The following CXorf58 variants were observed in gnomAD, a reference collection of about 807,000 sequenced individuals.
The protein encoded by CXorf58 is chromosome X open reading frame 58, also known as uncharacterized protein CXorf58.
A neutral mutation model predicts 26.0 loss-of-function variants in CXorf58; 24 were observed. The ratio of observed to expected loss-of-function variants is 0.92; its 90% CI spans 0.67 to 1.30. The LOEUF (loss-of-function observed/expected upper bound fraction) is 1.30. CXorf58 is among the 50% of genes most tolerant of loss of function. The probability of loss-of-function intolerance (pLI) is 0.00; values close to 1 mark genes in which losing one functional copy is unlikely to be tolerated. For missense variants in CXorf58, 236 were observed against 263.9 expected (o/e 0.89, Z 0.73); for synonymous variants, 87 against 86.1 (o/e 1.01, Z -0.06).
chrX:23,936,332 A>G (rs1928296243), intron 7 of CXorf58, among the ~76,000 whole-genome samples: 1 of 111,933 alleles, frequency 8.9e-6, no homozygotes, highest in South Asian at 3.7e-4. Context: ...TTATAATTCT[A>G]TTCTTGCTAC....
chrX:23,910,558 TATA>T, intron 2 of CXorf58, 140 bp downstream of exon 2: 1 of 412,566 alleles, frequency 2.4e-6, no homozygotes, highest in Non-Finnish European at 4.3e-6. Flanking sequence ...ATTGAGTAAT[TATA>T]ATTGCATTTT....
chrX:23,923,009 C>T (rs7883654), intron 5 of CXorf58, among the ~76,000 whole-genome samples: 1,657 of 112,077 alleles, frequency 0.015, 30 homozygotes, highest in African/African-American at 0.05. Context: ...GAACCTGCCT[C>T]TTGAATCCTA....
rs1470377769 is a variant in CXorf58, at chrX:23,913,733, C to T, written c.216+1877C>T. Among the ~76,000 whole-genome samples the T allele has an allele frequency of 5.5e-5, 6 of 109,499 alleles. No homozygotes were observed. In the East Asian group the frequency reaches 1.2e-3, roughly 22 times the overall value. ...CAGTCCGGTCAACATGGTGAAACCC[C>T]GTCTCTACTAAAAATACAAAAAAAT... On this transcript the variant is annotated intron_variant, in intron 3 of 8. Coordinates refer to ENST00000379211, the MANE Select transcript of CXorf58 (RefSeq NM_152761.3).
intron 7 of CXorf58, among the ~76,000 whole-genome samples, chrX:23,937,293 G>C (rs185780444): frequency 9.0e-6 from 1 of 111,651 alleles, no homozygotes; most frequent in Non-Finnish European, 1.9e-5. Flanking sequence ...AGGGGGCAGG[G>C]GAATTACAGT....
chrX:23,937,372 C>T (rs968587492), intron 7 of CXorf58, among the ~76,000 whole-genome samples: 4 of 110,559 alleles, frequency 3.6e-5, no homozygotes, highest in African/African-American at 1.3e-4. Flanking sequence ...AATTCTCGGG[C>T]ACTTTTGACC....
At chrX:23,914,598 A>G (rs755538625) in intron 3 of CXorf58, among the ~76,000 whole-genome samples, 1 of 111,843 alleles carries the variant, frequency 8.9e-6, no homozygotes, top group South Asian at 3.7e-4. Flanking sequence ...TAATATTCTC[A>G]TAATGGGCCA....
At chrX:23,921,391 A>G (rs1170697561) in intron 5 of CXorf58, among the ~76,000 whole-genome samples, 1 of 112,236 alleles carries the variant, frequency 8.9e-6, no homozygotes, top group Non-Finnish European at 1.9e-5. Context: ...CCATGAAAAT[A>G]CACACATAGA....
At chrX:23,933,356 C>T (rs1928213854) in intron 6 of CXorf58, among the ~76,000 whole-genome samples, 1 of 110,873 alleles carries the variant, frequency 9.0e-6, no homozygotes, top group South Asian at 3.8e-4. Flanking sequence ...CTGCCCTATC[C>T]CTGGCTCTTA....
Position 23,910,419 on chromosome X carries a change from G to A in CXorf58, c.116+1G>A, listed in dbSNP as rs767281926. 6.8e-6 allele frequency: 7 copies of A among 1,030,705 alleles called. No individual in the cohort carries two copies. In the Admixed American group the frequency reaches 6.8e-5, roughly 10 times the overall value. 84.9% of individuals were successfully genotyped at this position (1,030,705 alleles called of 1,213,427 possible). A position where few individuals can be genotyped will look rare whatever the true frequency, so the allele number is the denominator to read the frequency against. Reference sequence around the variant, plus strand: ...CACGAAATGCAAGATCATTACTATCGTAAGTACCTGTGTTTTGCCTTGTGT... The same window carrying A: ...CACGAAATGCAAGATCATTACTATCATAAGTACCTGTGTTTTGCCTTGTGT... On this transcript the variant is annotated splice_donor_variant, in intron 2 of 8. Coordinates refer to ENST00000379211, the MANE Select transcript of CXorf58 (RefSeq NM_152761.3). LOFTEE classifies it high-confidence loss of function.
intron 6 of CXorf58, among the ~76,000 whole-genome samples, chrX:23,929,172 C>T (rs1263108949): frequency 9.1e-6 from 1 of 110,281 alleles, no homozygotes; most frequent in Non-Finnish European, 1.9e-5. Context: ...TTTGGGAGGC[C>T]GAGGTGGGCG....
Position 23,911,859 on chromosome X carries a change from A to G in CXorf58, c.216+3A>G, listed in dbSNP as rs1463344916. On this transcript the variant is annotated splice_donor_region_variant and intron_variant, in intron 3 of 8. Transcript: ENST00000379211. ...TAAAACACGCAATTTGTGCAGCGGT[A>G]TGTATTTTGCTTATTTTTTTCTCTG... The G allele has an allele frequency of 1.8e-5, 21 of 1,151,826 alleles. 1 individual carries two copies. The Middle Eastern group carries it at 9.6e-4, about 53-fold the overall frequency. 94.9% of individuals were successfully genotyped at this position (1,151,826 alleles called of 1,213,427 possible).
At chrX:23,930,578 T>C (rs1406780479) in intron 6 of CXorf58, among the ~76,000 whole-genome samples, 2 of 93,149 alleles carry the variant, frequency 2.1e-5, no homozygotes, top group Non-Finnish European at 4.2e-5. Flanking sequence ...CACTCCAGCC[T>C]GGGCAACAGA....
At chrX:23,913,532 AT>A (rs1297598311) in intron 3 of CXorf58, among the ~76,000 whole-genome samples, 1 of 111,588 alleles carries the variant, frequency 9.0e-6, no homozygotes, top group Non-Finnish European at 1.9e-5. Context: ...TCTGAAAAAA[AT>A]AATAAAGTCT....
rs769461268 is a variant in CXorf58 at position 23,910,396 on chromosome X, C to T, written c.94C>T (p.Arg32Ter). 3.1e-5 allele frequency: 36 copies of T among 1,148,131 alleles called. No individual in the cohort carries two copies. The highest frequency in any genetic ancestry group is 4.5e-5 in the Admixed American group (2 of 44,559). The allele number at this position is 1,148,131 out of a possible 1,213,427, so 94.6% of individuals were successfully genotyped here. The change falls in exon 2 of 9, where the codon CGA becomes TGA. Residue 32 changes from arginine to a stop codon, truncating the protein, a stop_gained. Coordinates refer to ENST00000379211, the MANE Select transcript of CXorf58 (RefSeq NM_152761.3). LOFTEE classifies it high-confidence loss of function. ...KVRRVHFANA[R>*]NARSLLSMLK... ...TCGCAGAGTACATTTCGCAAATGCA[C>T]GAAATGCAAGATCATTACTATCGTA...
intron 5 of CXorf58, among the ~76,000 whole-genome samples, chrX:23,925,891 C>T (rs971875633): frequency 9.7e-5 from 10 of 102,654 alleles, no homozygotes; most frequent in Non-Finnish European, 1.4e-4. Flanking sequence ...TGGGTTCAAG[C>T]GATTCTCCTG....
chrX:23,937,774 A>C (rs911108157), intron 7 of CXorf58, among the ~76,000 whole-genome samples: 3 of 111,412 alleles, frequency 2.7e-5, no homozygotes, highest in African/African-American at 9.8e-5. Context: ...AGATGCTGGC[A>C]TTGAAAGTTG....
intron 5 of CXorf58, among the ~76,000 whole-genome samples, chrX:23,924,653 G>C (rs1291753745): frequency 9.9e-6 from 1 of 101,087 alleles, no homozygotes; most frequent in African/African-American, 3.7e-5. Flanking sequence ...AATGTATAAA[G>C]AAATTTGTTG....
intron 3 of CXorf58, 40 bp from the exon 4 acceptor site, chrX:23,915,660 G>A (rs375670959): frequency 6.2e-6 from 5 of 810,410 alleles, no homozygotes; most frequent in East Asian, 6.3e-5. Context: ...TGTCTGGGTG[G>A]GATACTGCTT....
At chrX:23,915,219 G>A (rs1927689639) in intron 3 of CXorf58, among the ~76,000 whole-genome samples, 1 of 112,167 alleles carries the variant, frequency 8.9e-6, no homozygotes, top group Non-Finnish European at 1.9e-5. Flanking sequence ...AGTAGTATAT[G>A]GTACATAAAA....
Sources: gnomAD v4.1 joint callset for allele counts (sites outside exome capture counted in the v4.1 genomes callset) on GRCh38, gnomAD v4.1.1 for gene constraint, MANE v1.5 for transcripts, NCBI Gene and HGNC (gene_info 2026-07-23, HGNC 2026-07-21) for gene names.